Variants in EFR3B observed in about 807,000 individuals in gnomAD.
The protein encoded by EFR3B is EFR3 homolog B.
A neutral mutation model predicts 104.7 loss-of-function variants in EFR3B; 64 were observed. That is an observed-to-expected ratio of 0.61 (90% CI 0.50 to 0.75). The LOEUF is 0.75. Among genes scored for constraint, EFR3B ranks in the 30% least tolerant of loss-of-function variants. The probability of loss-of-function intolerance (pLI) is 0.00; values close to 1 mark genes in which losing one functional copy is unlikely to be tolerated. For missense variants in EFR3B, 750 were observed against 1,078.5 expected (o/e 0.70, Z 4.27); for synonymous variants, 385 against 417.9 (o/e 0.92, Z 0.96).
At chr2:25,121,286 G>A (rs76844566) in intron 4 of EFR3B, among the ~76,000 whole-genome samples, 4,906 of 152,248 alleles carry the variant, frequency 0.032, 251 homozygotes, top group African/African-American at 0.11. Flanking sequence ...TTCATTGAGG[G>A]TGGTGCTCCT....
intron 3 of EFR3B, among the ~76,000 whole-genome samples, chr2:25,095,471 G>A (rs1250438631): frequency 1.3e-5 from 2 of 152,106 alleles, no homozygotes; most frequent in East Asian, 3.9e-4. Context: ...TGAGGCGGGT[G>A]GATCACTTGA....
In EFR3B at chr2:25,059,583, G is replaced by T. The variant is rs904690816; in HGVS notation, c.7+17264G>T. 1.2e-4 allele frequency among the ~76,000 whole-genome samples: 17 copies of T among 137,756 alleles called. 1 individual carries two copies. The highest frequency in any genetic ancestry group is 8.0e-4 in the South Asian group (3 of 3,768). The allele number at this position is 137,756 out of a possible 152,430, so 90.4% of individuals were successfully genotyped here. A position where few individuals can be genotyped will look rare whatever the true frequency, so the allele number is the denominator to read the frequency against. On this transcript the variant is annotated intron_variant, in intron 1 of 22. Coordinates refer to ENST00000403714, the MANE Select transcript of EFR3B (RefSeq NM_014971.2). The stretch of plus-strand genomic sequence containing the variant: ...GTTACCAGGGACTGCGGGGGGGGGG[G>T]GGGTGGAGATTGGGGAATTGTTGTT...
Position 25,137,393 on chromosome 2 carries a change from A to G in EFR3B, c.1613A>G (p.Asn538Ser). The change falls in exon 15 of 23, where the codon AAC becomes AGC. Residue 538 changes from asparagine to serine, a missense_variant. Asn to Ser is a conservative substitution (Grantham distance 46). Transcript: ENST00000403714. The surrounding 1 kb of genome is among the most constrained non-coding windows in gnomAD (Gnocchi z 4.7). ...HIYLSCKEET[N>S]VQKHYEALYG... ...TACCTGAGCTGCAAGGAGGAAACAA[A>G]CGTGCAGAAACACTACGAGGCGCTC... 6.4e-7 allele frequency: 1 copy of G among 1,551,932 alleles called. No individual in the cohort carries two copies. Among genetic ancestry groups the G allele is most frequent in the Non-Finnish European group, 8.7e-7 (1 of 1,147,082 alleles).
intron 1 of EFR3B, among the ~76,000 whole-genome samples, chr2:25,056,160 C>T (rs78266839): frequency 6.6e-5 from 10 of 152,244 alleles, no homozygotes; most frequent in East Asian, 5.8e-4. Context: ...GTCATCTCAG[C>T]GTGTCTTTTC....
chr2:25,151,942 G>C lies in EFR3B; in HGVS notation c.2220G>C (p.Glu740Asp). 1 of 1,551,768 alleles carries C rather than the reference G, an allele frequency of 6.4e-7. No homozygotes were observed. The highest frequency in any genetic ancestry group is 8.7e-7 in the Non-Finnish European group (1 of 1,147,016). Residue 740 changes from glutamate (E) to aspartate (D), a missense_variant, in exon 21 of 23, where the codon GAG becomes GAC. Coordinates refer to ENST00000403714, the MANE Select transcript of EFR3B (RefSeq NM_014971.2). ...IVDSVAVEEQ[E>D]RERRRQVVEK... ...ACAGCGTAGCAGTGGAGGAGCAGGAGCGTGAGCGGCGGCGGCAGGTGGTGG... is the reference window on the plus strand; with the variant it reads ...ACAGCGTAGCAGTGGAGGAGCAGGACCGTGAGCGGCGGCGGCAGGTGGTGG...
chr2:25,127,881 A>G (rs1306068224), intron 5 of EFR3B, among the ~76,000 whole-genome samples: 1 of 152,188 alleles, frequency 6.6e-6, no homozygotes, highest in African/African-American at 2.4e-5. Flanking sequence ...CCAAGCTGGA[A>G]CAACCCCAGC....
chr2:25,089,881 C>T (rs567673595), intron 1 of EFR3B, among the ~76,000 whole-genome samples: 3 of 151,984 alleles, frequency 2.0e-5, no homozygotes, highest in East Asian at 1.9e-4. Context: ...AAGTTATCTG[C>T]CCCTGGGTGC....
chr2:25,070,572 T>G (rs1490434433), intron 1 of EFR3B, among the ~76,000 whole-genome samples: 1 of 152,330 alleles, frequency 6.6e-6, no homozygotes, highest in Non-Finnish European at 1.5e-5. Context: ...TGGCTTCTGA[T>G]GATTTTAAAA....
At chr2:25,096,090 A>G (rs1669267853) in intron 3 of EFR3B, among the ~76,000 whole-genome samples, 1 of 151,786 alleles carries the variant, frequency 6.6e-6, no homozygotes, top group South Asian at 2.1e-4. Context: ...ATCTTGGCTC[A>G]CTGCAACCTC....
intron 1 of EFR3B, among the ~76,000 whole-genome samples, chr2:25,053,102 A>C (rs1247177911): frequency 6.6e-6 from 1 of 152,116 alleles, no homozygotes; most frequent in African/African-American, 2.4e-5. Context: ...TCCTCTGTGG[A>C]GCTCACTGTA....
rs796597437 is a variant in EFR3B, at chr2:25,083,151, TAA to T, written c.8-8171_8-8170del. The stretch of plus-strand genomic sequence containing the variant: ...CCATATCACGTTTCCCTCTCTTCCT[TAA>T]AATAGGTATGAAAATATCAGGTAAG... On this transcript the variant is annotated intron_variant, in intron 1 of 22. Coordinates refer to ENST00000403714, the MANE Select transcript of EFR3B (RefSeq NM_014971.2). Among the ~76,000 whole-genome samples the T allele has an allele frequency of 6.6e-5, 10 of 152,100 alleles. No homozygotes were observed. The South Asian group carries it at 1.0e-3, about 16-fold the overall frequency.
intron 1 of EFR3B, among the ~76,000 whole-genome samples, chr2:25,075,068 AC>A (rs1668599600): frequency 6.6e-6 from 1 of 152,210 alleles, no homozygotes; most frequent in Non-Finnish European, 1.5e-5. Context: ...CACACCAGGA[AC>A]TTGGGGGGTG....
chr2:25,042,651 G>A lies in EFR3B; in HGVS notation c.7+332G>A. On this transcript the variant is annotated intron_variant, in intron 1 of 22. Transcript: ENST00000403714. The surrounding 1 kb of genome is among the most constrained non-coding windows in gnomAD (Gnocchi z 5.4). ...GAGGTGGTCGTGTGGCAGCATTTGC[G>A]GAATTAACAAAAGCGGTTTGTGCCT... The A allele has an allele frequency of 9.0e-7, 1 of 1,106,690 alleles. No individual in the cohort carries two copies. The highest frequency in any genetic ancestry group is 1.1e-6 in the Non-Finnish European group (1 of 908,544). 68.6% of individuals were successfully genotyped at this position (1,106,690 alleles called of 1,614,324 possible). A position where few individuals can be genotyped will look rare whatever the true frequency, so the allele number is the denominator to read the frequency against.
In EFR3B at chr2:25,153,702, T is replaced by C; in HGVS notation, c.2299-10T>C. On this transcript the variant is annotated splice_polypyrimidine_tract_variant and intron_variant, in intron 21 of 22. Transcript: ENST00000403714. Reference sequence around the variant, plus strand: ...CCCCTGCCAGCTCACTTCCGTGTGTTTGTGTCTAGGCATCGCTGCTCCAGA... The same window carrying C: ...CCCCTGCCAGCTCACTTCCGTGTGTCTGTGTCTAGGCATCGCTGCTCCAGA... The C allele has an allele frequency of 6.4e-7, 1 of 1,551,500 alleles. No individual in the cohort carries two copies. Among genetic ancestry groups the C allele is most frequent in the Non-Finnish European group, 8.7e-7 (1 of 1,146,978 alleles).
At chr2:25,152,160 C>A in intron 21 of EFR3B, 140 bp downstream of exon 21, 2 of 814,050 alleles carry the variant, frequency 2.5e-6, no homozygotes, top group Non-Finnish European at 3.9e-6. Context: ...GACATCAGGG[C>A]TTGTATTCCA....
intron 1 of EFR3B, among the ~76,000 whole-genome samples, chr2:25,069,648 T>G (rs956841812): frequency 1.3e-5 from 2 of 152,220 alleles, no homozygotes; most frequent in African/African-American, 4.8e-5. Flanking sequence ...CCACTTTTAA[T>G]TATATGCAGA....
intron 4 of EFR3B, among the ~76,000 whole-genome samples, chr2:25,119,100 C>T (rs1344666281): frequency 6.6e-6 from 1 of 152,028 alleles, no homozygotes; most frequent in African/African-American, 2.4e-5. Flanking sequence ...TATTAAAATT[C>T]ATGCAGTCTT....
intron 6 of EFR3B, among the ~76,000 whole-genome samples, chr2:25,129,369 GGGGT>G (rs1670265190): frequency 2.1e-5 from 3 of 143,946 alleles, no homozygotes; most frequent in Admixed American, 6.9e-5. Context: ...GGTGGGGCGT[GGGGT>G]GGGGTGGGGT....
At chr2:25,094,799 T>A (rs907250213) in intron 3 of EFR3B, among the ~76,000 whole-genome samples, 11 of 151,914 alleles carry the variant, frequency 7.2e-5, no homozygotes, top group Non-Finnish European at 1.6e-4. Flanking sequence ...TTATTATTAT[T>A]ATTTTTTTAA....
Sources: allele counts gnomAD v4.1 joint callset (sites outside exome capture counted in the v4.1 genomes callset), GRCh38; gene constraint gnomAD v4.1.1; non-coding constraint Gnocchi (gnomAD v3.1); transcripts MANE v1.5; gene names NCBI Gene and HGNC (gene_info 2026-07-23, HGNC 2026-07-21).